Variants in ANKRD33B observed in about 807,000 individuals in gnomAD.
The protein encoded by ANKRD33B is ankyrin repeat domain 33B, also known as ankyrin repeat domain-containing protein 33B.
Under a neutral mutation model 21.5 loss-of-function variants are expected in ANKRD33B, and 6 were observed. The ratio of observed to expected loss-of-function variants is 0.28; its 90% CI spans 0.15 to 0.55. The LOEUF is 0.55. Among genes scored for constraint, ANKRD33B ranks in the 20% least tolerant of loss-of-function variants. The pLI is 0.94. For missense variants in ANKRD33B, 698 were observed against 747.2 expected (o/e 0.93, Z 0.77); for synonymous variants, 347 against 342.4 (o/e 1.01, Z -0.15).
chr5:10,599,373 A>AT (rs1735883391), intron 1 of ANKRD33B, among the ~76,000 whole-genome samples: 1 of 152,098 alleles, frequency 6.6e-6, no homozygotes, highest in Non-Finnish European at 1.5e-5. Flanking sequence ...AAAATTGTTC[A>AT]TTTTAACCAT....
intron 3 of ANKRD33B, among the ~76,000 whole-genome samples, chr5:10,641,479 T>G (rs1737061252): frequency 6.6e-6 from 1 of 152,002 alleles, no homozygotes; most frequent in Non-Finnish European, 1.5e-5. Flanking sequence ...TCTGCCCGCC[T>G]TAGCCTCCCA....
At chr5:10,621,640 G>T (rs1405026551) in intron 2 of ANKRD33B, among the ~76,000 whole-genome samples, 1 of 152,112 alleles carries the variant, frequency 6.6e-6, no homozygotes, top group Non-Finnish European at 1.5e-5. Context: ...ATTAGTTAAG[G>T]CCAGTTCAAA....
intron 3 of ANKRD33B, 94 bp from the exon 4 acceptor site, chr5:10,649,172 G>A (rs1261243460): frequency 2.4e-5 from 35 of 1,434,674 alleles, no homozygotes; most frequent in Middle Eastern, 2.6e-4. Flanking sequence ...GGGGTGGGGG[G>A]TGGGGGCAGT....
At chr5:10,620,093 A>G (rs1647426271) in intron 2 of ANKRD33B, among the ~76,000 whole-genome samples, 1 of 152,124 alleles carries the variant, frequency 6.6e-6, no homozygotes, top group Admixed American at 6.5e-5. Flanking sequence ...TCTAAGCCCA[A>G]TGCAAGGGAA....
At chr5:10,644,583 G>A (rs1315586011) in intron 3 of ANKRD33B, among the ~76,000 whole-genome samples, 1 of 152,202 alleles carries the variant, frequency 6.6e-6, no homozygotes, top group Non-Finnish European at 1.5e-5. Context: ...GGACGGCGAG[G>A]AACAGAGATC....
chr5:10,650,796 A>G lies in ANKRD33B; in HGVS notation c.*683A>G, dbSNP rs1038075604. 3.9e-5 allele frequency: 6 copies of G among 152,380 alleles called. No individual in the cohort carries two copies. The highest frequency in any genetic ancestry group is 1.4e-4 in the African/African-American group (6 of 41,462). The allele number at this position is 152,380 out of a possible 1,614,324, so 9.4% of individuals were successfully genotyped here. A position where few individuals can be genotyped will look rare whatever the true frequency, so the allele number is the denominator to read the frequency against. ...AAAACTCTTATCCATATAGTAATATATTGAGGAAAAACATATTGTCAAATT... is the reference window on the plus strand; with the variant it reads ...AAAACTCTTATCCATATAGTAATATGTTGAGGAAAAACATATTGTCAAATT... On this transcript the variant is annotated 3_prime_UTR_variant, in exon 4 of 4. Coordinates refer to ENST00000296657, the MANE Select transcript of ANKRD33B (RefSeq NM_001164440.2).
At chr5:10,594,703 C>T (rs1288893404) in intron 1 of ANKRD33B, among the ~76,000 whole-genome samples, 1 of 152,106 alleles carries the variant, frequency 6.6e-6, no homozygotes, top group African/African-American at 2.4e-5. Flanking sequence ...AGAACGACTC[C>T]TTGAAAGAAA....
intron 1 of ANKRD33B, among the ~76,000 whole-genome samples, chr5:10,605,550 TGGA>T (rs1736029498): frequency 6.7e-6 from 1 of 148,460 alleles, no homozygotes; most frequent in African/African-American, 2.5e-5. Context: ...TTTTTTGAGG[TGGA>T]GTTTTGTTGT....
intron 1 of ANKRD33B, among the ~76,000 whole-genome samples, chr5:10,584,556 A>T (rs1025489974): frequency 7.4e-5 from 11 of 148,596 alleles, no homozygotes; most frequent in African/African-American, 2.6e-4. Flanking sequence ...AAAAAATAAT[A>T]AAAAAAAAAG....
intron 1 of ANKRD33B, among the ~76,000 whole-genome samples, chr5:10,583,484 A>C (rs1579715934): frequency 6.6e-6 from 1 of 152,198 alleles, no homozygotes; most frequent in Non-Finnish European, 1.5e-5. Flanking sequence ...GCCCCTGCCC[A>C]CTGGATGCCA....
At chr5:10,571,472 GA>G (rs1735186057) in intron 1 of ANKRD33B, among the ~76,000 whole-genome samples, 1 of 152,176 alleles carries the variant, frequency 6.6e-6, no homozygotes, top group South Asian at 2.1e-4. Flanking sequence ...AAAGCGCTGG[GA>G]TTACAGGCCT....
intron 3 of ANKRD33B, among the ~76,000 whole-genome samples, chr5:10,646,952 C>T (rs1737201075): frequency 6.6e-6 from 1 of 152,206 alleles, no homozygotes; most frequent in Non-Finnish European, 1.5e-5. Flanking sequence ...CGTTGATCAG[C>T]CATCACATGT....
In ANKRD33B at chr5:10,650,173, G is replaced by T. The variant is rs1050574357; in HGVS notation, c.*60G>T. The T allele has an allele frequency of 7.9e-6, 11 of 1,396,534 alleles. No homozygotes were observed. In the Admixed American group the frequency reaches 2.2e-4, roughly 28 times the overall value. 86.5% of individuals were successfully genotyped at this position (1,396,534 alleles called of 1,614,324 possible). On this transcript the variant is annotated 3_prime_UTR_variant, in exon 4 of 4. Coordinates refer to ENST00000296657, the MANE Select transcript of ANKRD33B (RefSeq NM_001164440.2). ...GGCCGGGGCGGGGCCGCAGGGCTGG[G>T]CGCGGAGAAGGAGGCGGCCCCGTTG...
intron 1 of ANKRD33B, among the ~76,000 whole-genome samples, chr5:10,565,794 GCGTT>G (rs1174059079): frequency 6.6e-6 from 1 of 152,244 alleles, no homozygotes; most frequent in Admixed American, 6.5e-5. Context: ...GCAAATGGCA[GCGTT>G]CTCACCTGAT....
chr5:10,650,270 C>A lies in ANKRD33B; in HGVS notation c.*157C>A. 1 of 825,936 alleles carries A rather than the reference C, an allele frequency of 1.2e-6. No individual in the cohort carries two copies. Among genetic ancestry groups the A allele is most frequent in the Non-Finnish European group, 1.7e-6 (1 of 599,454 alleles). The allele number at this position is 825,936 out of a possible 1,614,324, so 51.2% of individuals were successfully genotyped here. ...TCCAGGCTGTTTGTCCAGGCTGCTTCCAAGAGAGGGCTGAGGGAGCCACAT... is the reference window on the plus strand; with the variant it reads ...TCCAGGCTGTTTGTCCAGGCTGCTTACAAGAGAGGGCTGAGGGAGCCACAT... On this transcript the variant is annotated 3_prime_UTR_variant, in exon 4 of 4. Transcript: ENST00000296657.
intron 1 of ANKRD33B, among the ~76,000 whole-genome samples, chr5:10,598,738 G>A (rs974026196): frequency 6.6e-6 from 1 of 152,010 alleles, no homozygotes; most frequent in Admixed American, 6.6e-5. Flanking sequence ...ACTACACCTG[G>A]CCAATCATAT....
intron 1 of ANKRD33B, among the ~76,000 whole-genome samples, chr5:10,602,226 G>A (rs1315668967): frequency 6.6e-6 from 1 of 152,240 alleles, no homozygotes; most frequent in Non-Finnish European, 1.5e-5. Flanking sequence ...AGCGGAGCAT[G>A]CTCACACTTT....
intron 1 of ANKRD33B, among the ~76,000 whole-genome samples, chr5:10,595,418 C>T (rs1018690522): frequency 2.0e-5 from 3 of 152,202 alleles, no homozygotes; most frequent in Non-Finnish European, 2.9e-5. Context: ...GTGACAGCAT[C>T]GCTCCAATCT....
At chr5:10,590,911 C>G (rs117156881) in intron 1 of ANKRD33B, among the ~76,000 whole-genome samples, 6 of 152,114 alleles carry the variant, frequency 3.9e-5, no homozygotes, top group African/African-American at 9.7e-5. Flanking sequence ...AAGTCCTGGT[C>G]GTCTTGGAAA....
Sources: gnomAD v4.1 joint callset for allele counts (sites outside exome capture counted in the v4.1 genomes callset) on GRCh38, gnomAD v4.1.1 for gene constraint, MANE v1.5 for transcripts, NCBI Gene and HGNC (gene_info 2026-07-23, HGNC 2026-07-21) for gene names.